Variants in SSBP2 observed in about 807,000 individuals in gnomAD.
SSBP2 encodes single stranded DNA binding protein 2.
Under a neutral mutation model 61.8 loss-of-function variants are expected in SSBP2, and 17 were observed. The observed-to-expected ratio is 0.28, with a 90% CI of 0.19 to 0.41. The LOEUF is 0.41. Among genes scored for constraint, SSBP2 ranks in the 10% least tolerant of loss-of-function variants. SSBP2 has a pLI of 1.00. For synonymous variants in SSBP2, 139 were observed against 141.3 expected (o/e 0.98, Z 0.12); for missense variants, 310 against 458.7 (o/e 0.68, Z 2.96).
At position 81,632,101 on chromosome 5, in the gene SSBP2, T is replaced by C. The variant is rs779612046; in HGVS notation, c.197+4456A>G. On this transcript the variant is annotated intron_variant, in intron 3 of 16. Coordinates refer to ENST00000320672, the MANE Select transcript of SSBP2 (RefSeq NM_012446.5). Reference sequence around the variant, plus strand: ...TTAAAACAAATTATTTTTTTTCTCTTAATACCCATTTATGCTACACTGTAC... The same window carrying C: ...TTAAAACAAATTATTTTTTTTCTCTCAATACCCATTTATGCTACACTGTAC... Among the ~76,000 whole-genome samples, 24 of 152,190 alleles carry C rather than the reference T, an allele frequency of 1.6e-4. 1 individual carries two copies. Among genetic ancestry groups the C allele is most frequent in the Admixed American group, 3.3e-4 (5 of 15,280 alleles).
At chr5:81,592,451 T>C (rs566677730) in intron 4 of SSBP2, among the ~76,000 whole-genome samples, 189 of 152,320 alleles carry the variant, frequency 1.2e-3, no homozygotes, top group African/African-American at 4.4e-3. Context: ...CAGTAACCTC[T>C]GCAGACTTAA....
At chr5:81,725,644 C>T (rs553775098) in intron 1 of SSBP2, among the ~76,000 whole-genome samples, 1 of 152,126 alleles carries the variant, frequency 6.6e-6, no homozygotes, top group Non-Finnish European at 1.5e-5. Flanking sequence ...GTGGTAAGTG[C>T]ATTCACTGAC....
At chr5:81,734,013 G>A (rs1484193236) in intron 1 of SSBP2, among the ~76,000 whole-genome samples, 1 of 152,126 alleles carries the variant, frequency 6.6e-6, no homozygotes, top group African/African-American at 2.4e-5. Context: ...AAATATGCAA[G>A]TTGTACCACA....
intron 6 of SSBP2, among the ~76,000 whole-genome samples, chr5:81,487,656 T>C (rs1227945557): frequency 6.6e-6 from 1 of 151,984 alleles, no homozygotes; most frequent in African/African-American, 2.4e-5. Context: ...TCTATATATT[T>C]AAGTTGTATA....
At chr5:81,648,453 A>C (rs1051599547) in intron 2 of SSBP2, among the ~76,000 whole-genome samples, 2 of 152,088 alleles carry the variant, frequency 1.3e-5, no homozygotes, top group Admixed American at 1.3e-4. Context: ...GTTCACATAT[A>C]CTAGTTAATT....
intron 4 of SSBP2, among the ~76,000 whole-genome samples, chr5:81,558,352 G>C (rs1298154747): frequency 2.6e-5 from 4 of 152,164 alleles, no homozygotes; most frequent in Non-Finnish European, 5.9e-5. Context: ...CAAGATCAAG[G>C]TGCTGGCAGA....
At chr5:81,479,027 T>G (rs921305130) in intron 6 of SSBP2, among the ~76,000 whole-genome samples, 1 of 152,196 alleles carries the variant, frequency 6.6e-6, no homozygotes, top group Non-Finnish European at 1.5e-5. Flanking sequence ...AAAATGAGTG[T>G]TTTTATCTAA....
chr5:81,583,367 C>T (rs1043304173), intron 4 of SSBP2, among the ~76,000 whole-genome samples: 9 of 152,080 alleles, frequency 5.9e-5, no homozygotes, highest in South Asian at 2.1e-4. Context: ...CAGTGGCTCA[C>T]GCTTGTAATC....
intron 1 of SSBP2, among the ~76,000 whole-genome samples, chr5:81,656,407 AAAATT>A (rs1268262246): frequency 1.3e-5 from 2 of 152,188 alleles, no homozygotes; most frequent in Non-Finnish European, 2.9e-5. Flanking sequence ...TGTCCCTACA[AAAATT>A]AAATAAAATT....
At chr5:81,666,549 A>G (rs756984496) in intron 1 of SSBP2, among the ~76,000 whole-genome samples, 1 of 152,248 alleles carries the variant, frequency 6.6e-6, no homozygotes. Context: ...AATGACTACT[A>G]TCAACTTTGG....
At chr5:81,686,140 T>C (rs561915391) in intron 1 of SSBP2, among the ~76,000 whole-genome samples, 1 of 152,326 alleles carries the variant, frequency 6.6e-6, no homozygotes, top group East Asian at 1.9e-4. Context: ...ACTGAACCAG[T>C]TATTCCTTTA....
chr5:81,572,089 C>A (rs1220081693), intron 4 of SSBP2, among the ~76,000 whole-genome samples: 1 of 151,988 alleles, frequency 6.6e-6, no homozygotes. Flanking sequence ...AGTACCACAC[C>A]AGATTCTTAA....
intron 1 of SSBP2, among the ~76,000 whole-genome samples, chr5:81,654,952 C>G (rs1463894200): frequency 6.6e-6 from 1 of 151,562 alleles, no homozygotes; most frequent in Non-Finnish European, 1.5e-5. Flanking sequence ...GCCTGGGCAA[C>G]ACAGCAAAAC....
chr5:81,481,676 A>T (rs1034147173), intron 6 of SSBP2, among the ~76,000 whole-genome samples: 23 of 151,326 alleles, frequency 1.5e-4, no homozygotes, highest in African/African-American at 5.6e-4. Flanking sequence ...TGGGATACAG[A>T]ATGGATGTTG....
intron 15 of SSBP2, among the ~76,000 whole-genome samples, chr5:81,432,944 GC>G (rs1197388068): frequency 3.6e-5 from 5 of 137,868 alleles, no homozygotes. Context: ...GGGGGGGTCA[GC>G]CCCCCGCCCA....
chr5:81,534,795 G>C (rs1038918119), intron 4 of SSBP2, among the ~76,000 whole-genome samples: 43 of 152,052 alleles, frequency 2.8e-4, no homozygotes, highest in African/African-American at 9.9e-4. Context: ...AATAATGACT[G>C]AGAATTTCTC....
chr5:81,693,291 C>T (rs1484227825), intron 1 of SSBP2, among the ~76,000 whole-genome samples: 2 of 150,458 alleles, frequency 1.3e-5, no homozygotes, highest in East Asian at 3.9e-4. Context: ...GAATACCCTA[C>T]AAGCACAAGC....
rs189301384 is a variant in SSBP2 at position 81,667,497 on chromosome 5, T to C, written c.63-17158A>G. Among the ~76,000 whole-genome samples the C allele has an allele frequency of 9.9e-5, 15 of 152,248 alleles. No individual in the cohort carries two copies. The East Asian group carries it at 1.9e-3, about 20-fold the overall frequency. ...TACAGAGGCAGGGCTAACTTAGTCC[T>C]AAAGTAAAGCTACTATATGGACTCA... On this transcript the variant is annotated intron_variant, in intron 1 of 16. Transcript: ENST00000320672.
chr5:81,729,862 T>A (rs2153987840), intron 1 of SSBP2, among the ~76,000 whole-genome samples: 1 of 152,232 alleles, frequency 6.6e-6, no homozygotes, highest in East Asian at 1.9e-4. Context: ...GAGGGTTGAC[T>A]GAGAAATAAG....
Sources: gnomAD v4.1 joint callset for allele counts (sites outside exome capture counted in the v4.1 genomes callset) on GRCh38, gnomAD v4.1.1 for gene constraint, MANE v1.5 for transcripts, NCBI Gene and HGNC (gene_info 2026-07-23, HGNC 2026-07-21) for gene names.